Variants in PALD1 observed in about 807,000 individuals in gnomAD.
The protein encoded by PALD1 is phosphatase domain containing paladin 1, also known as paladin.
A neutral mutation model predicts 96.0 loss-of-function variants in PALD1; 57 were observed. The observed-to-expected ratio is 0.59, with a 90% CI of 0.48 to 0.74. The LOEUF (loss-of-function observed/expected upper bound fraction) is 0.74. PALD1 is among the 30% of genes least tolerant of loss of function. PALD1 has a pLI of 0.00. For synonymous variants in PALD1, 464 were observed against 473.6 expected (o/e 0.98, Z 0.26); for missense variants, 1,063 against 1,143.7 (o/e 0.93, Z 1.02).
chr10:70,495,842 CA>C (rs58815668), intron 1 of PALD1, among the ~76,000 whole-genome samples: 19,818 of 86,662 alleles, frequency 0.23, 1,663 homozygotes, highest in East Asian at 0.54. Flanking sequence ...CTTGTCTCTA[CA>C]AAAAAAAAAA....
At chr10:70,532,073 G>C (rs556772996) in intron 5 of PALD1, among the ~76,000 whole-genome samples, 35 of 152,200 alleles carry the variant, frequency 2.3e-4, no homozygotes, top group African/African-American at 8.2e-4. Context: ...TCAACGCTTT[G>C]AGAGCCACGA....
At position 70,566,812 on chromosome 10, in the gene PALD1, G is replaced by C; in HGVS notation, c.*79G>C. 3 of 915,410 alleles carry C rather than the reference G, an allele frequency of 3.3e-6. No homozygotes were observed. Among genetic ancestry groups the C allele is most frequent in the Non-Finnish European group, 4.9e-6 (3 of 615,436 alleles). The allele number at this position is 915,410 out of a possible 1,614,324, so 56.7% of individuals were successfully genotyped here. ...TCTGAGGTGCTCTTGGCTGGGAGCG[G>C]CCCTGAGGGGTGCTGGCCTTGAAAT... On this transcript the variant is annotated 3_prime_UTR_variant, in exon 20 of 20. Transcript: ENST00000263563.
intron 1 of PALD1, among the ~76,000 whole-genome samples, chr10:70,500,284 C>T (rs1175778777): frequency 6.6e-6 from 1 of 152,130 alleles, no homozygotes; most frequent in Non-Finnish European, 1.5e-5. Flanking sequence ...CAGGTGCCTC[C>T]ACATGGTGCC....
intron 1 of PALD1, among the ~76,000 whole-genome samples, chr10:70,508,784 C>CGTGTGTGTGTGT (rs111850326): frequency 0.012 from 1,156 of 99,910 alleles, 8 homozygotes; most frequent in Non-Finnish European, 0.016. Flanking sequence ...CTCTGTATGG[C>CGTGTGTGTGTGT]GTGTGTGTGT....
chr10:70,474,193 T>C (rs1370869029), upstream of PALD1, among the ~76,000 whole-genome samples: 2 of 152,142 alleles, frequency 1.3e-5, no homozygotes, highest in Non-Finnish European at 2.9e-5. Flanking sequence ...CTGTGCAGCA[T>C]GTTCAAACTG....
upstream of PALD1, among the ~76,000 whole-genome samples, chr10:70,477,957 A>G (rs926074987): frequency 6.6e-6 from 1 of 152,036 alleles, no homozygotes; most frequent in Non-Finnish European, 1.5e-5. Context: ...GCGTTCACCC[A>G]CGTGCTCGCG....
In PALD1 at chr10:70,537,828, C is replaced by A; in HGVS notation, c.1245C>A (p.His415Gln). Residue 415 changes from histidine to glutamine, a missense_variant, in exon 11 of 20, where the codon CAC (histidine) becomes CAA (glutamine). Physicochemically the swap from His to Gln is conservative, Grantham distance 24. Transcript: ENST00000263563. ...TCTCTCAGGGAAGCGGCAGCCGACA[C>A]AGCGTCTGGCAGAGGGCGCTGTGGA... ...ESPAQGSGSRHSVWQRALWSL... is the reference protein window; with the variant it reads ...ESPAQGSGSRQSVWQRALWSL... 1 of 1,612,848 alleles carries A rather than the reference C, an allele frequency of 6.2e-7. No homozygotes were observed. The highest frequency in any genetic ancestry group is 8.5e-7 in the Non-Finnish European group (1 of 1,179,040).
At chr10:70,547,481 C>CCCCCCCCCCCCCACA in intron 18 of PALD1, 35 bp downstream of exon 18, 2 of 1,441,550 alleles carry the variant, frequency 1.4e-6, no homozygotes, top group East Asian at 2.5e-5. Flanking sequence ...CACCCTGCCC[C>CCCCCCCCCCCCCACA]AGCCACCCTT....
At chr10:70,561,873 C>T (rs1459525412) in intron 18 of PALD1, among the ~76,000 whole-genome samples, 1 of 152,226 alleles carries the variant, frequency 6.6e-6, no homozygotes, top group Non-Finnish European at 1.5e-5. Flanking sequence ...GTAGACCTCA[C>T]CCACCCTAGA....
chr10:70,547,482 A>T, intron 18 of PALD1, 36 bp downstream of exon 18: 1 of 892,752 alleles, frequency 1.1e-6, no homozygotes, highest in Non-Finnish European at 1.5e-6. Flanking sequence ...ACCCTGCCCC[A>T]GCCACCCTTC....
chr10:70,510,821 G>A (rs1335318803), intron 1 of PALD1, among the ~76,000 whole-genome samples: 2 of 152,180 alleles, frequency 1.3e-5, no homozygotes, highest in African/African-American at 2.4e-5. Context: ...AACATTTAGC[G>A]GCTTGGGACT....
rs138254508 is a variant in PALD1, at chr10:70,534,765, C to T, written c.1149C>T (p.Ala383=). The T allele has an allele frequency of 4.0e-4, 652 of 1,611,240 alleles. No homozygotes were observed. The highest frequency in any genetic ancestry group is 5.0e-4 in the Non-Finnish European group (595 of 1,178,614). ...EEVDRAITAC[A]ELHDLKEVVL... ...TGGACAGAGCCATCACTGCCTGTGC[C>T]GAGTTGCATGACCTGAAAGAAGTGG... The change falls in exon 10 of 20, where the codon GCC becomes GCT. Residue 383 remains alanine (A), a synonymous_variant. Coordinates refer to ENST00000263563, the MANE Select transcript of PALD1 (RefSeq NM_014431.3).
intron 18 of PALD1, among the ~76,000 whole-genome samples, chr10:70,562,462 G>T (rs142675204): frequency 7.4e-4 from 112 of 152,292 alleles, no homozygotes; most frequent in Non-Finnish European, 1.1e-3. Flanking sequence ...GTCTGAGGCC[G>T]CAGAGCCCAC....
Position 70,488,331 on chromosome 10 carries a change from G to A in PALD1, c.-30+9272G>A, listed in dbSNP as rs1846045573. ...AGACGGGGTTTTGCCCTGTTGCCCA[G>A]GCTGGTCTTGAACTCCTGGACTGAA... On this transcript the variant is annotated intron_variant, in intron 1 of 19. Transcript: ENST00000263563. 2.0e-5 allele frequency among the ~76,000 whole-genome samples: 3 copies of A among 152,050 alleles called. No individual in the cohort carries two copies. In the South Asian group the frequency reaches 6.2e-4, roughly 32 times the overall value.
upstream of PALD1, among the ~76,000 whole-genome samples, chr10:70,473,894 C>G (rs560904291): frequency 0.17 from 1,634 of 9,404 alleles, 41 homozygotes; most frequent in African/African-American, 0.22. Flanking sequence ...GTGATCCACC[C>G]CCCCCCCCTC....
Position 70,566,672 on chromosome 10 carries a change from G to A in PALD1, c.2510G>A (p.Arg837His), listed in dbSNP as rs568867353. Residue 837 changes from arginine to histidine, a missense_variant, in exon 20 of 20, where the codon CGC (arginine) becomes CAC (histidine). Transcript: ENST00000263563. Reference protein sequence around the residue: ...SGEDQPFSRLRYRWQEQSCSL... With the variant: ...SGEDQPFSRLHYRWQEQSCSL... Reference sequence around the variant, plus strand: ...GAGGACCAGCCCTTCTCCAGGCTGCGCTACCGGTGGCAGGAGCAGAGCTGC... The same window carrying A: ...GAGGACCAGCCCTTCTCCAGGCTGCACTACCGGTGGCAGGAGCAGAGCTGC... 7.0e-5 allele frequency: 112 copies of A among 1,608,876 alleles called. 1 individual carries two copies. The South Asian group carries it at 1.0e-3, about 15-fold the overall frequency.
At chr10:70,532,903 G>T in intron 6 of PALD1, 92 bp from the exon 7 acceptor site, 1 of 1,506,586 alleles carries the variant, frequency 6.6e-7, no homozygotes, top group African/African-American at 1.4e-5. Flanking sequence ...TCCCACAGTG[G>T]GGCCCATTTC....
intron 1 of PALD1, among the ~76,000 whole-genome samples, chr10:70,488,171 C>T (rs1846043096): frequency 6.6e-6 from 1 of 151,622 alleles, no homozygotes; most frequent in Non-Finnish European, 1.5e-5. Context: ...GCCCAGGCTG[C>T]AGTGAAGTGG....
chr10:70,558,259 G>A (rs1034630235), intron 18 of PALD1, among the ~76,000 whole-genome samples: 6 of 152,100 alleles, frequency 3.9e-5, no homozygotes, highest in Admixed American at 3.9e-4. Context: ...AGGAGGCCTG[G>A]GTTCCTGCTT....
Sources: allele counts gnomAD v4.1 joint callset (sites outside exome capture counted in the v4.1 genomes callset), GRCh38; gene constraint gnomAD v4.1.1; transcripts MANE v1.5; gene names NCBI Gene and HGNC (gene_info 2026-07-23, HGNC 2026-07-21).